THSD4: variants seen among roughly 807,000 people sequenced by gnomAD.
THSD4 encodes thrombospondin type 1 domain containing 4.
In THSD4, 69 loss-of-function variants were observed where a neutral mutation model predicts 119.0. The ratio of observed to expected loss-of-function variants is 0.58; its 90% CI spans 0.48 to 0.71. The LOEUF (loss-of-function observed/expected upper bound fraction) is 0.71, where lower values mean the gene tolerates loss of function less well. Among genes scored for constraint, THSD4 ranks in the 30% least tolerant of loss-of-function variants. The pLI is 0.00. For missense variants in THSD4, 1,393 were observed against 1,391.1 expected (o/e 1.00, Z -0.02); for synonymous variants, 524 against 540.4 (o/e 0.97, Z 0.42).
intron 8 of THSD4, among the ~76,000 whole-genome samples, chr15:71,726,515 TC>T (rs1169913389): frequency 6.6e-6 from 1 of 152,238 alleles, no homozygotes; most frequent in African/African-American, 2.4e-5. Context: ...ATTATATTGT[TC>T]ACACCACTTT....
intron 6 of THSD4, among the ~76,000 whole-genome samples, chr15:71,332,904 T>TTTTTTTTG (rs1355262377): frequency 7.2e-6 from 1 of 138,952 alleles, no homozygotes. Context: ...TTTTTTTTTT[T>TTTTTTTTG]TTTTAGTTCA....
At chr15:71,453,737 C>T (rs1306461757) in intron 7 of THSD4, among the ~76,000 whole-genome samples, 1 of 152,142 alleles carries the variant, frequency 6.6e-6, no homozygotes, top group Non-Finnish European at 1.5e-5. Context: ...TAAAGATTTT[C>T]TGATGAGAAT....
intron 4 of THSD4, among the ~76,000 whole-genome samples, chr15:71,229,235 C>T (rs1288833256): frequency 6.6e-6 from 1 of 152,164 alleles, no homozygotes; most frequent in African/African-American, 2.4e-5. Flanking sequence ...AATAAAGTAA[C>T]TTTGATCTTT....
At chr15:71,337,113 G>C (rs538507082) in intron 6 of THSD4, among the ~76,000 whole-genome samples, 22 of 152,194 alleles carry the variant, frequency 1.4e-4, no homozygotes, top group Non-Finnish European at 2.8e-4. Flanking sequence ...GACCGCCTTG[G>C]TCCTGGGCTA....
chr15:71,190,997 C>T (rs983034909), intron 3 of THSD4, among the ~76,000 whole-genome samples: 2 of 152,174 alleles, frequency 1.3e-5, no homozygotes, highest in African/African-American at 4.8e-5. Context: ...CACCAACACA[C>T]CCTAAACAGC....
intron 7 of THSD4, among the ~76,000 whole-genome samples, chr15:71,565,875 C>T (rs1207241404): frequency 6.6e-6 from 1 of 152,158 alleles, no homozygotes; most frequent in Non-Finnish European, 1.5e-5. Flanking sequence ...TCTAAGCCAG[C>T]TTCTGAGGTG....
At chr15:71,468,942 A>G (rs1219988384) in intron 7 of THSD4, among the ~76,000 whole-genome samples, 1 of 152,268 alleles carries the variant, frequency 6.6e-6, no homozygotes, top group Non-Finnish European at 1.5e-5. Context: ...GTTACAAAGT[A>G]GACTGGGAAA....
At chr15:71,723,012 T>G (rs934437271) in intron 8 of THSD4, among the ~76,000 whole-genome samples, 1 of 152,094 alleles carries the variant, frequency 6.6e-6, no homozygotes, top group Admixed American at 6.5e-5. Flanking sequence ...TATTCCATTG[T>G]GTGGATGGCC....
At chr15:71,492,442 G>GTT (rs2047934396) in intron 7 of THSD4, among the ~76,000 whole-genome samples, 4 of 151,522 alleles carry the variant, frequency 2.6e-5, no homozygotes, top group African/African-American at 7.3e-5. Flanking sequence ...TTTTGTTGTT[G>GTT]TTGTTGTTGT....
chr15:71,449,348 A>G (rs1470966344), intron 7 of THSD4, among the ~76,000 whole-genome samples: 2 of 152,186 alleles, frequency 1.3e-5, no homozygotes, highest in South Asian at 2.1e-4. Context: ...TACTGTTTCT[A>G]TGTGGCATTT....
chr15:71,285,853 CAAAAAAAAAAAAAAAAAAA>C (rs11421766), intron 6 of THSD4, among the ~76,000 whole-genome samples: 2 of 67,384 alleles, frequency 3.0e-5, no homozygotes, highest in African/African-American at 1.2e-4. Context: ...GACTCCGTCT[CAAAAAAAAAAAAAAAAAAA>C]AAAAAAAAAA....
intron 7 of THSD4, among the ~76,000 whole-genome samples, chr15:71,441,117 A>G (rs2047082047): frequency 6.6e-6 from 1 of 152,208 alleles, no homozygotes; most frequent in Admixed American, 6.5e-5. Context: ...GGGGGAATTA[A>G]ATGAGATGTT....
intron 6 of THSD4, among the ~76,000 whole-genome samples, chr15:71,329,678 G>A (rs2045397057): frequency 6.6e-6 from 1 of 152,140 alleles, no homozygotes; most frequent in Admixed American, 6.5e-5. Context: ...TGTAAGCCTC[G>A]AATTACTCAT....
At chr15:71,625,910 G>C (rs1009827911) in intron 7 of THSD4, among the ~76,000 whole-genome samples, 1 of 152,188 alleles carries the variant, frequency 6.6e-6, no homozygotes, top group African/African-American at 2.4e-5. Flanking sequence ...AGTCACGGAA[G>C]ACTTCCTGGA....
chr15:71,199,999 T>G (rs1001900175), intron 3 of THSD4, among the ~76,000 whole-genome samples: 4 of 146,656 alleles, frequency 2.7e-5, no homozygotes, highest in Non-Finnish European at 4.5e-5. Flanking sequence ...GGTTGAGAAC[T>G]GTTGTTCTAG....
chr15:71,671,668 T>G (rs2051531797), intron 8 of THSD4, among the ~76,000 whole-genome samples: 1 of 152,220 alleles, frequency 6.6e-6, no homozygotes, highest in African/African-American at 2.4e-5. Context: ...GTATAAGGTG[T>G]AAGGAAGGGA....
At chr15:71,119,147 G>A (rs1218391770) in intron 1 of THSD4, among the ~76,000 whole-genome samples, 1 of 152,162 alleles carries the variant, frequency 6.6e-6, no homozygotes, top group Non-Finnish European at 1.5e-5. Context: ...AGAAAGTTGA[G>A]GCTTACTTGC....
At chr15:71,682,187 G>A (rs1049421904) in intron 8 of THSD4, among the ~76,000 whole-genome samples, 1 of 152,202 alleles carries the variant, frequency 6.6e-6, no homozygotes. Flanking sequence ...CAAAGCACAA[G>A]TGAAAAAGAG....
chr15:71,216,860 C>T (rs2043937211), intron 4 of THSD4, among the ~76,000 whole-genome samples: 1 of 152,140 alleles, frequency 6.6e-6, no homozygotes, highest in Non-Finnish European at 1.5e-5. Flanking sequence ...TGCAGTGGCA[C>T]CATCTGGGCT....
Sources: gnomAD v4.1 joint callset for allele counts (sites outside exome capture counted in the v4.1 genomes callset) on GRCh38, gnomAD v4.1.1 for gene constraint, MANE v1.5 for transcripts, NCBI Gene and HGNC (gene_info 2026-07-23, HGNC 2026-07-21) for gene names.